The following PWWP2A variants were observed in gnomAD, a reference collection of about 807,000 sequenced individuals.
The protein encoded by PWWP2A is PWWP domain-containing protein 2A.
PWWP2A carries 18 observed loss-of-function variants against 48.5 expected under a neutral mutation model. The observed-to-expected ratio is 0.37, with a 90% CI of 0.26 to 0.55. The LOEUF is 0.55. Among genes scored for constraint, PWWP2A ranks in the 20% least tolerant of loss-of-function variants. The pLI, the probability that PWWP2A is intolerant of heterozygous loss-of-function variation, is 0.81. For missense variants in PWWP2A, 867 were observed against 976.4 expected, an observed-to-expected ratio of 0.89 and a Z score of 1.49; for synonymous variants, 396 against 387.7, an observed-to-expected ratio of 1.02 and a Z score of -0.25.
At chr5:160,112,914 T>C (rs575730794) in intron 1 of PWWP2A, among the ~76,000 whole-genome samples, 32 of 152,244 alleles carry the variant, frequency 2.1e-4, no homozygotes, top group Middle Eastern at 3.4e-3. Context: ...TCCCAACACT[T>C]TGGGAGGCCG....
chr5:160,085,708 C>T (rs145656668), intron 2 of PWWP2A, among the ~76,000 whole-genome samples: 2,553 of 151,656 alleles, frequency 0.017, 68 homozygotes, highest in African/African-American at 0.058. Flanking sequence ...GGTTTCACCA[C>T]GTTGGTCATG....
At chr5:160,082,833 T>C (rs1297229237) in intron 2 of PWWP2A, among the ~76,000 whole-genome samples, 1 of 152,110 alleles carries the variant, frequency 6.6e-6, no homozygotes, top group East Asian at 1.9e-4. Context: ...AGGCGGCAAT[T>C]TCATCGGAAA....
chr5:160,074,258 G>A (rs1753813410), downstream of PWWP2A, among the ~76,000 whole-genome samples: 1 of 151,782 alleles, frequency 6.6e-6, no homozygotes, highest in South Asian at 2.1e-4. Flanking sequence ...GACCAACATG[G>A]AGAAACCCTG....
chr5:160,088,153 C>T (rs368172091), downstream of PWWP2A, among the ~76,000 whole-genome samples: 1 of 152,206 alleles, frequency 6.6e-6, no homozygotes. Flanking sequence ...CTAATGCACA[C>T]TCGCCATTTT....
chr5:160,066,295 C>CTTT (rs748083955), intron 4 of PWWP2A, among the ~76,000 whole-genome samples: 6,157 of 57,622 alleles, frequency 0.11, 227 homozygotes, highest in East Asian at 0.21. Flanking sequence ...AAGTGGTTCT[C>CTTT]ATTTTTTTTT....
At chr5:160,045,491 C>A in the PWWP2A span, among the ~76,000 whole-genome samples, 1 of 121,212 alleles carries the variant, frequency 8.3e-6, no homozygotes, top group Non-Finnish European at 1.7e-5. Context: ...CACACACACA[C>A]ACACACACAC....
intron 2 of PWWP2A, among the ~76,000 whole-genome samples, chr5:160,070,860 C>T (rs570650963): frequency 7.6e-4 from 115 of 152,270 alleles, no homozygotes; most frequent in African/African-American, 2.6e-3. Context: ...GTTCCTACGA[C>T]GTTTTATGTA....
chr5:160,102,397 C>CAAAAAAAAAAAAAAAAA (rs70988002), intron 1 of PWWP2A, among the ~76,000 whole-genome samples: 1 of 64,220 alleles, frequency 1.6e-5, no homozygotes, highest in Non-Finnish European at 2.9e-5. Context: ...GACTCCATCT[C>CAAAAAAAAAAAAAAAAA]AAAAAAAAAA....
intron 1 of PWWP2A, among the ~76,000 whole-genome samples, chr5:160,097,560 G>A (rs1755797601): frequency 6.6e-6 from 1 of 151,598 alleles, no homozygotes; most frequent in South Asian, 2.1e-4. Context: ...AACCCGGGAG[G>A]TGAAAGTCGC....
At chr5:160,106,508 TAAAC>T (rs940930280) in intron 1 of PWWP2A, among the ~76,000 whole-genome samples, 1 of 151,532 alleles carries the variant, frequency 6.6e-6, no homozygotes, top group Non-Finnish European at 1.5e-5. Context: ...CAGGAAAAAA[TAAAC>T]AAAAATTTAA....
chr5:160,097,501 G>A lies in PWWP2A; in HGVS notation c.585-3436C>T, dbSNP rs188986674. Among the ~76,000 whole-genome samples, 881 of 151,530 alleles carry A rather than the reference G, an allele frequency of 5.8e-3. 6 individuals are homozygous for A. The highest frequency in any genetic ancestry group is 0.017 in the South Asian group (82 of 4,776). ...AAAAATTAGCTGGGTGTGGTGACAC[G>A]CGCCTGTAGTCCCAACTACTCGGGA... is the stretch of plus-strand genomic sequence containing the variant. On this transcript the variant is annotated intron_variant, in intron 1 of 1. Coordinates refer to ENST00000307063, the MANE Select transcript of PWWP2A (RefSeq NM_001130864.2).
chr5:160,071,906 G>A (rs1477372973), downstream of PWWP2A, among the ~76,000 whole-genome samples: 2 of 152,122 alleles, frequency 1.3e-5, no homozygotes, highest in East Asian at 3.9e-4. Flanking sequence ...GATGAGGATA[G>A]GGAAGAGAAA....
At chr5:160,044,463 A>G in the PWWP2A span, among the ~76,000 whole-genome samples, 1 of 152,226 alleles carries the variant, frequency 6.6e-6, no homozygotes, top group Non-Finnish European at 1.5e-5. Context: ...TACTCATGAG[A>G]TTTCCAAGAA....
chr5:160,080,595 T>C, intron 3 of PWWP2A: 1 of 1,412,192 alleles, frequency 7.1e-7, no homozygotes, highest in African/African-American at 1.4e-5. Flanking sequence ...TCAGGAATGA[T>C]TAAGTGATGA....
At chr5:160,097,284 C>A (rs1379353653) in intron 1 of PWWP2A, among the ~76,000 whole-genome samples, 1 of 139,244 alleles carries the variant, frequency 7.2e-6, no homozygotes, top group East Asian at 2.2e-4. Flanking sequence ...CTTCAGTGAG[C>A]CATGTTCGCG....
Position 160,092,935 on chromosome 5 carries a change from T to C in PWWP2A, c.1715A>G (p.Gln572Arg), listed in dbSNP as rs373088137. 194 of 1,551,752 alleles carry C rather than the reference T, an allele frequency of 1.3e-4. No homozygotes were observed. The African/African-American group carries it at 2.5e-3, about 20-fold the overall frequency. Residue 572 changes from glutamine (Q) to arginine (R), a missense_variant, in exon 2 of 2, where the codon CAA becomes CGA. Around this residue, in one of 4 missense-constraint regions of PWWP2A, gnomAD observed 382 missense variants for 407.2 expected, o/e 0.94. Coordinates refer to ENST00000307063, the MANE Select transcript of PWWP2A (RefSeq NM_001130864.2). The part of the protein sequence containing the change: ...NNISVYMTLN[Q>R]KKSDSSSASV... ...AGCACTGGAAGAGTCAGATTTCTTT[T>C]GATTTAGGGTCATATAAACAGAGAT...
At chr5:160,070,164 T>G (rs956676056) in intron 2 of PWWP2A, among the ~76,000 whole-genome samples, 6 of 152,156 alleles carry the variant, frequency 3.9e-5, no homozygotes, top group Non-Finnish European at 8.8e-5. Context: ...TTTAAAAATC[T>G]CAACCATTTT....
chr5:160,090,663 C>T (rs1284089962), downstream of PWWP2A: 1 of 979,306 alleles, frequency 1.0e-6, no homozygotes, highest in Admixed American at 6.4e-5. Flanking sequence ...GCTGACAAGA[C>T]TATTGATTTT....
At chr5:160,044,667 T>C in the PWWP2A span, among the ~76,000 whole-genome samples, 38 of 152,336 alleles carry the variant, frequency 2.5e-4, no homozygotes, top group African/African-American at 8.2e-4. Context: ...CATCTTGGCT[T>C]TGGTGGGCTT....
Sources: gnomAD v4.1 joint callset for allele counts (sites outside exome capture counted in the v4.1 genomes callset) on GRCh38, gnomAD v4.1.1 for gene constraint, gnomAD v4.1.1 regional missense constraint, MANE v1.5 for transcripts, NCBI Gene and HGNC (gene_info 2026-07-23, HGNC 2026-07-21) for gene names.